The following NAALADL2 variants were observed in gnomAD, a reference collection of about 807,000 sequenced individuals.
The protein encoded by NAALADL2 is inactive N-acetylated-alpha-linked acidic dipeptidase-like protein 2.
A neutral mutation model predicts 87.2 loss-of-function variants in NAALADL2; 76 were observed. The observed-to-expected ratio is 0.87, with a 90% confidence interval of 0.72 to 1.05. The LOEUF (loss-of-function observed/expected upper bound fraction) is 1.05. Ranked by LOEUF, NAALADL2 falls within the 50% of genes least tolerant of loss-of-function variation. The pLI, the probability that NAALADL2 is intolerant of heterozygous loss-of-function variation, is 0.00. For missense variants in NAALADL2, 1,089 were observed against 945.8 expected (o/e 1.15, Z -1.99); for synonymous variants, 354 against 331.0 (o/e 1.07, Z -0.75).
intron 2 of NAALADL2, among the ~76,000 whole-genome samples, chr3:175,228,781 CT>C (rs1244805813): frequency 6.6e-6 from 1 of 151,792 alleles, no homozygotes; most frequent in Admixed American, 6.6e-5. Flanking sequence ...AGAAGGAAGG[CT>C]TGCTATCTCA....
At chr3:175,730,028 G>T (rs917361714) in intron 11 of NAALADL2, among the ~76,000 whole-genome samples, 10 of 152,138 alleles carry the variant, frequency 6.6e-5, no homozygotes, top group Admixed American at 2.6e-4. Flanking sequence ...AACCATGCTT[G>T]TGGCTAAAGA....
intron 2 of NAALADL2, among the ~76,000 whole-genome samples, chr3:174,654,863 G>C (rs1343517725): frequency 6.6e-6 from 1 of 152,084 alleles, no homozygotes; most frequent in East Asian, 1.9e-4. Flanking sequence ...AGCCTCCTGA[G>C]TATCTGGGAC....
intron 9 of NAALADL2, among the ~76,000 whole-genome samples, chr3:175,517,464 A>C (rs1732009753): frequency 6.6e-6 from 1 of 152,202 alleles, no homozygotes; most frequent in African/African-American, 2.4e-5. Context: ...ACAGAATTAA[A>C]ACTAAATTTT....
chr3:175,688,468 A>C (rs1736611053), intron 11 of NAALADL2, among the ~76,000 whole-genome samples: 1 of 152,180 alleles, frequency 6.6e-6, no homozygotes, highest in African/African-American at 2.4e-5. Context: ...ACAAGCCAAA[A>C]GGAAAGATTT....
intron 1 of NAALADL2, among the ~76,000 whole-genome samples, chr3:174,983,665 G>T (rs557804798): frequency 1.3e-5 from 2 of 152,022 alleles, no homozygotes; most frequent in Admixed American, 6.6e-5. Context: ...GGCACTAATC[G>T]CACTCAAGGT....
intron 2 of NAALADL2, among the ~76,000 whole-genome samples, chr3:174,638,642 TAAG>T (rs533998543): frequency 3.3e-5 from 5 of 152,076 alleles, no homozygotes; most frequent in Non-Finnish European, 5.9e-5. Context: ...TATAATCAAT[TAAG>T]AAGACTAAGA....
At chr3:174,824,363 T>C (rs1056416795) in intron 3 of NAALADL2, among the ~76,000 whole-genome samples, 1 of 152,204 alleles carries the variant, frequency 6.6e-6, no homozygotes, top group Non-Finnish European at 1.5e-5. Flanking sequence ...GACTGATAAT[T>C]CATTTTCTTT....
At chr3:175,750,314 A>T (rs1346583761) in intron 12 of NAALADL2, among the ~76,000 whole-genome samples, 1 of 152,140 alleles carries the variant, frequency 6.6e-6, no homozygotes. Context: ...TTTTCCCCAG[A>T]ACATCTTAGA....
At chr3:175,298,873 T>G (rs1756687196) in intron 4 of NAALADL2, among the ~76,000 whole-genome samples, 1 of 152,204 alleles carries the variant, frequency 6.6e-6, no homozygotes, top group African/African-American at 2.4e-5. Context: ...TTTATTTTTA[T>G]CCTTTGGTTA....
chr3:175,232,224 A>G (rs115804879), intron 2 of NAALADL2, among the ~76,000 whole-genome samples: 22 of 138,388 alleles, frequency 1.6e-4, no homozygotes, highest in African/African-American at 5.1e-4. Flanking sequence ...GAGAAGAAGA[A>G]GAAGAGGAAG....
Position 175,803,382 on chromosome 3 carries a change from AT to A in NAALADL2, c.*184del. ...AGAAAGAACATTTTGCACATTTAATATTTTTCTTATATCTACATTTCTGAAT... is the reference window on the plus strand; with the variant it reads ...AGAAAGAACATTTTGCACATTTAATATTTTCTTATATCTACATTTCTGAAT... On this transcript the variant is annotated 3_prime_UTR_variant, in exon 14 of 14. Coordinates refer to ENST00000454872, the MANE Select transcript of NAALADL2 (RefSeq NM_207015.3). The A allele has an allele frequency of 2.4e-6, 1 of 418,996 alleles. No homozygotes were observed. The highest frequency in any genetic ancestry group is 4.2e-6 in the Non-Finnish European group (1 of 237,466). 26.0% of individuals were successfully genotyped at this position (418,996 alleles called of 1,614,324 possible).
rs146932415 is a variant in NAALADL2 at position 174,738,216 on chromosome 3, C to T, written c.-9+470C>T. Among the ~76,000 whole-genome samples the T allele has an allele frequency of 4.6e-4, 70 of 152,220 alleles. No homozygotes were observed. The East Asian group carries it at 0.012, about 27-fold the overall frequency. On this transcript the variant is annotated intron_variant, in intron 3 of 3. Coordinates refer to the NAALADL2 transcript ENST00000434257. ...ACCTTTTGGAACACTTCTCAGTACA[C>T]GGCCATATATAGACTGTGAACTTCT...
intron 1 of NAALADL2, among the ~76,000 whole-genome samples, chr3:174,456,891 C>A (rs1715875341): frequency 6.6e-6 from 1 of 152,064 alleles, no homozygotes; most frequent in Non-Finnish European, 1.5e-5. Flanking sequence ...AGCTTCTATA[C>A]AGCAAAAGAA....
intron 5 of NAALADL2, among the ~76,000 whole-genome samples, chr3:175,374,622 C>T (rs1249847178): frequency 6.8e-6 from 1 of 147,908 alleles, no homozygotes; most frequent in Non-Finnish European, 1.5e-5. Flanking sequence ...GCTGTAATCC[C>T]AGCACTTTGG....
At chr3:175,177,311 C>T (rs1735828532) in intron 2 of NAALADL2, among the ~76,000 whole-genome samples, 1 of 152,088 alleles carries the variant, frequency 6.6e-6, no homozygotes, top group African/African-American at 2.4e-5. Context: ...CTCTATTTCT[C>T]CATGAGAACA....
chr3:174,983,704 C>T (rs1480816445), intron 1 of NAALADL2, among the ~76,000 whole-genome samples: 1 of 152,060 alleles, frequency 6.6e-6, no homozygotes, highest in Non-Finnish European at 1.5e-5. Context: ...TAATCATCTC[C>T]CAAAGGCCCC....
chr3:174,699,357 G>C (rs1729336875), intron 2 of NAALADL2, among the ~76,000 whole-genome samples: 1 of 151,354 alleles, frequency 6.6e-6, no homozygotes, highest in South Asian at 2.1e-4. Context: ...GTTGAGTGTG[G>C]TGGCACGTGC....
intron 9 of NAALADL2, among the ~76,000 whole-genome samples, chr3:175,552,731 T>A (rs1378770611): frequency 6.6e-6 from 1 of 152,132 alleles, no homozygotes; most frequent in African/African-American, 2.4e-5. Context: ...TTTTATATCA[T>A]TTTATTGATT....
intron 2 of NAALADL2, among the ~76,000 whole-genome samples, chr3:174,668,318 C>A (rs1726170926): frequency 1.3e-5 from 2 of 152,114 alleles, no homozygotes; most frequent in African/African-American, 4.8e-5. Flanking sequence ...TTGCCTTTCA[C>A]TCCCTTGATT....
Sources: allele counts gnomAD v4.1 joint callset (sites outside exome capture counted in the v4.1 genomes callset), GRCh38; gene constraint gnomAD v4.1.1; transcripts MANE v1.5; gene names NCBI Gene and HGNC (gene_info 2026-07-23, HGNC 2026-07-21).